The following NCKIPSD variants were observed in gnomAD, a reference collection of about 807,000 sequenced individuals.
NCKIPSD encodes the protein NCK interacting protein with SH3 domain.
Under a neutral mutation model 73.4 loss-of-function variants are expected in NCKIPSD, and 48 were observed. That is an observed-to-expected ratio of 0.65 (90% CI 0.52 to 0.83). The LOEUF (loss-of-function observed/expected upper bound fraction) is 0.83, where lower values mean the gene tolerates loss of function less well. Ranked by LOEUF, NCKIPSD falls within the 40% of genes least tolerant of loss-of-function variation. NCKIPSD has a pLI of 0.00. For missense variants in NCKIPSD, 884 were observed against 970.2 expected (o/e 0.91, Z 1.18); for synonymous variants, 422 against 403.6 (o/e 1.05, Z -0.54).
At chr3:48,682,582 G>A in intron 2 of NCKIPSD, 30 bp from the exon 3 acceptor site, 1 of 1,608,746 alleles carries the variant, frequency 6.2e-7, no homozygotes, top group African/African-American at 1.3e-5. Flanking sequence ...ACTATTGGGG[G>A]GTTGCATCTC....
At chr3:48,682,260 G>A (rs1021712033) in intron 3 of NCKIPSD, 88 bp downstream of exon 3, 24 of 1,576,144 alleles carry the variant, frequency 1.5e-5, no homozygotes, top group African/African-American at 1.1e-4. Flanking sequence ...GCTCTGGGCC[G>A]CATCACTCCT....
Position 48,682,943 on chromosome 3 carries a change from C to A in NCKIPSD, c.241G>T (p.Asp81Tyr). ...IEAVHNTAMR[D>Y]GGKYSLEQRG... The stretch of plus-strand genomic sequence containing the variant: ...TGTTCCAGGCTGTACTTGCCACCAT[C>A]CCGCATGGCTGTGTTGTGTACAGCC... Residue 81 changes from aspartate to tyrosine, a missense_variant, in exon 2 of 13, where the codon GAT becomes TAT. By Grantham distance (160) the Asp-to-Tyr change is radical (BLOSUM62 -3). Coordinates refer to ENST00000294129, the MANE Select transcript of NCKIPSD (RefSeq NM_016453.4). The A allele has an allele frequency of 6.4e-7, 1 of 1,553,392 alleles. No individual in the cohort carries two copies. Among genetic ancestry groups the A allele is most frequent in the Non-Finnish European group, 8.7e-7 (1 of 1,148,550 alleles).
Position 48,680,247 on chromosome 3 carries a change from G to A in NCKIPSD, c.1093-18C>T, listed in dbSNP as rs778212601. 6.3e-7 allele frequency: 1 copy of A among 1,592,994 alleles called. No homozygotes were observed. The highest frequency in any genetic ancestry group is 1.7e-5 in the Admixed American group (1 of 58,178). On this transcript the variant is annotated intron_variant, in intron 5 of 12. Coordinates refer to ENST00000294129, the MANE Select transcript of NCKIPSD (RefSeq NM_016453.4). Reference sequence around the variant, plus strand: ...CTGAGGTCCTAGAGGGAGAGGGCAAGGCATGACTCAGCACACTCCCTGCCC... The same window carrying A: ...CTGAGGTCCTAGAGGGAGAGGGCAAAGCATGACTCAGCACACTCCCTGCCC...
chr3:48,681,168 C>G, intron 5 of NCKIPSD, 119 bp downstream of exon 5: 1 of 1,428,976 alleles, frequency 7.0e-7, no homozygotes, highest in East Asian at 2.3e-5. Context: ...CAGTGCCCAG[C>G]ACAGTAAGAG....
chr3:48,679,151 G>A lies in NCKIPSD; in HGVS notation c.1603C>T (p.Leu535=). Residue 535 remains leucine, a synonymous_variant, in exon 10 of 13, where the codon CTG becomes TTG. Coordinates refer to ENST00000294129, the MANE Select transcript of NCKIPSD (RefSeq NM_016453.4). Reference sequence around the variant, plus strand: ...GGCAGCCCATCCTCGACGATGTTCAGTAGGAACTGGGCGAAAGGCGTGCCC... The same window carrying A: ...GGCAGCCCATCCTCGACGATGTTCAATAGGAACTGGGCGAAAGGCGTGCCC... The part of the protein sequence containing the change: ...HLGTPFAQFL[L]NIVEDGLPLD... 1.2e-6 allele frequency: 2 copies of A among 1,614,146 alleles called. No individual in the cohort carries two copies. The highest frequency in any genetic ancestry group is 1.1e-5 in the South Asian group (1 of 91,086).
In NCKIPSD at chr3:48,678,941, G is replaced by A. The variant is rs561721255; in HGVS notation, c.1728C>T (p.Ala576=). The A allele has an allele frequency of 2.7e-5, 43 of 1,614,048 alleles. No individual in the cohort carries two copies. In the Admixed American group the frequency reaches 5.5e-4, roughly 21 times the overall value. Residue 576 remains alanine (A), a synonymous_variant, in exon 11 of 13, where the codon GCC becomes GCT. Transcript: ENST00000294129. ...PAADQNVIMA[A]LSKHANVKIF... is the part of the protein sequence containing the mutation. ...TCTTGACATTGGCGTGTTTGCTCAG[G>A]GCAGCCATGATGACATTCTGGTCAG...
chr3:48,679,384 T>A lies in NCKIPSD; in HGVS notation c.1563A>T (p.Ala521=), dbSNP rs752407002. The change falls in exon 9 of 13, where the codon GCA becomes GCT. Residue 521 remains alanine (A), a synonymous_variant. Coordinates refer to ENST00000294129, the MANE Select transcript of NCKIPSD (RefSeq NM_016453.4). ...VFSMGEAVPY[A]HYEHLGTPFA... ...CGGTTACTGCATTCTTACCATAGTG[T>A]GCATAGGGCACTGCCTCTCCCATGG... The A allele has an allele frequency of 6.2e-7, 1 of 1,614,076 alleles. No homozygotes were observed. The highest frequency in any genetic ancestry group is 2.2e-5 in the East Asian group (1 of 44,868).
Position 48,685,700 on chromosome 3 carries a change from C to A in NCKIPSD, c.108G>T (p.Leu36=). 1 of 1,527,078 alleles carries A rather than the reference C, an allele frequency of 6.5e-7. No homozygotes were observed. The highest frequency in any genetic ancestry group is 1.2e-5 in the South Asian group (1 of 83,540). 94.6% of individuals were successfully genotyped at this position (1,527,078 alleles called of 1,614,324 possible). A position where few individuals can be genotyped will look rare whatever the true frequency, so the allele number is the denominator to read the frequency against. The change falls in exon 1 of 13, where the codon CTG becomes CTT. Residue 36 remains leucine (L), a synonymous_variant. Coordinates refer to ENST00000294129, the MANE Select transcript of NCKIPSD (RefSeq NM_016453.4). ...VLERSSAHWW[L]AARARSGETG... ...TCTCACCACTGCGCGCCCGCGCGGC[C>A]AGCCACCAGTGCGCGCTGCTTCGCT... is the stretch of plus-strand genomic sequence containing the variant.
At chr3:48,681,989 A>C in intron 4 of NCKIPSD, 56 bp downstream of exon 4, 1 of 1,558,574 alleles carries the variant, frequency 6.4e-7, no homozygotes, top group South Asian at 1.1e-5. Context: ...CAGGCAGCAC[A>C]ACCATTCCAA....
Position 48,679,470 on chromosome 3 carries a change from A to G in NCKIPSD, c.1490-13T>C. ...AGTTTCTGGTGGTCTGGGGGGGACAAGGCAGGCAGTCAGAGTCCCCAAAGA... is the reference window on the plus strand; with the variant it reads ...AGTTTCTGGTGGTCTGGGGGGGACAGGGCAGGCAGTCAGAGTCCCCAAAGA... On this transcript the variant is annotated splice_polypyrimidine_tract_variant and intron_variant, in intron 8 of 12. Transcript: ENST00000294129. 6.2e-7 allele frequency: 1 copy of G among 1,609,332 alleles called. No individual in the cohort carries two copies. The highest frequency in any genetic ancestry group is 8.5e-7 in the Non-Finnish European group (1 of 1,176,804).
At position 48,681,746 on chromosome 3, in the gene NCKIPSD, A is replaced by G; in HGVS notation, c.633T>C (p.Ser211=). 1 of 1,529,060 alleles carries G rather than the reference A, an allele frequency of 6.5e-7. No individual in the cohort carries two copies. Among genetic ancestry groups the G allele is most frequent in the Admixed American group, 2.1e-5 (1 of 48,078 alleles). The allele number at this position is 1,529,060 out of a possible 1,614,324, so 94.7% of individuals were successfully genotyped here. A position where few individuals can be genotyped will look rare whatever the true frequency, so the allele number is the denominator to read the frequency against. The change falls in exon 5 of 13, where the codon TCT becomes TCC. Residue 211 remains serine, a synonymous_variant. Coordinates refer to ENST00000294129, the MANE Select transcript of NCKIPSD (RefSeq NM_016453.4). ...GHNTMPSGGN[S]VSSGSSVSST... is the part of the protein sequence containing the mutation. ...TGCTGACTGAGGAGCCGCTGGACAC[A>G]GAGTTACCCCCGGAGGGCATGGTGT...
At position 48,682,555 on chromosome 3, in the gene NCKIPSD, G is replaced by A. The variant is rs766864722; in HGVS notation, c.282-3C>T. The A allele has an allele frequency of 6.2e-7, 1 of 1,613,694 alleles. No individual in the cohort carries two copies. The highest frequency in any genetic ancestry group is 8.5e-7 in the Non-Finnish European group (1 of 1,179,842). On this transcript the variant is annotated splice_polypyrimidine_tract_variant and splice_region_variant and intron_variant, in intron 2 of 12. Coordinates refer to ENST00000294129, the MANE Select transcript of NCKIPSD (RefSeq NM_016453.4). Reference sequence around the variant, plus strand: ...CTTTCCGGTGGTGGATCAGCTTCCTGATGGAAGGACAGGAAGACTATTGGG... The same window carrying A: ...CTTTCCGGTGGTGGATCAGCTTCCTAATGGAAGGACAGGAAGACTATTGGG...
intron 12 of NCKIPSD, among the ~76,000 whole-genome samples, chr3:48,676,095 C>T (rs1017937537): frequency 6.6e-6 from 1 of 152,216 alleles, no homozygotes; most frequent in South Asian, 2.1e-4. Flanking sequence ...TCATTCACCA[C>T]CGCAAACCTC....
Position 48,678,605 on chromosome 3 carries a change from T to C in NCKIPSD, c.1924A>G (p.Ile642Val), listed in dbSNP as rs945007536. 4 of 1,613,998 alleles carry C rather than the reference T, an allele frequency of 2.5e-6. No individual in the cohort carries two copies. The African/African-American group carries it at 5.3e-5, about 22-fold the overall frequency. Residue 642 changes from isoleucine to valine, a missense_variant, in exon 12 of 13, where the codon ATC becomes GTC. Transcript: ENST00000294129. ...YHTDMMALIDITVRHIADLSP... is the reference protein window; with the variant it reads ...YHTDMMALIDVTVRHIADLSP... Reference sequence around the variant, plus strand: ...AGGTCTGCGATGTGCCGCACAGTGATGTCAATGAGAGCCATCATGTCTGTG... The same window carrying C: ...AGGTCTGCGATGTGCCGCACAGTGACGTCAATGAGAGCCATCATGTCTGTG...
chr3:48,674,558 C>T lies in NCKIPSD; in HGVS notation c.2155G>A (p.Glu719Lys), dbSNP rs776516213. The change falls in exon 13 of 13, where the codon GAG (glutamate) becomes AAG (lysine). Residue 719 changes from glutamate (E) to lysine (K), a missense_variant. By Grantham distance (56) the Glu-to-Lys change is moderately conservative. Transcript: ENST00000294129. Reference sequence around the variant, plus strand: ...ACAGCAAGGTGCTAGCTGGGAGCCTCCCCCAGCACCAGGAATTCCTTGCAC... The same window carrying T: ...ACAGCAAGGTGCTAGCTGGGAGCCTTCCCCAGCACCAGGAATTCCTTGCAC... ...EMCKEFLVLG[E>K]APS is the part of the protein sequence containing the mutation. 1 of 1,593,036 alleles carries T rather than the reference C, an allele frequency of 6.3e-7. No homozygotes were observed. The highest frequency in any genetic ancestry group is 8.6e-7 in the Non-Finnish European group (1 of 1,168,888).
chr3:48,680,399 C>G (rs1376312630), intron 5 of NCKIPSD, among the ~76,000 whole-genome samples, 170 bp from the exon 6 acceptor site: 2 of 152,184 alleles, frequency 1.3e-5, no homozygotes, highest in African/African-American at 4.8e-5. Context: ...CCTCCCAGGA[C>G]AGGAGTCAAC....
chr3:48,674,691 C>T lies in NCKIPSD; in HGVS notation c.2022G>A (p.Leu674=). The T allele has an allele frequency of 6.2e-7, 1 of 1,614,042 alleles. No homozygotes were observed. The highest frequency in any genetic ancestry group is 8.5e-7 in the Non-Finnish European group (1 of 1,179,998). The stretch of plus-strand genomic sequence containing the variant: ...GGTCGGGTAGCCGGTGGCGGTGCTG[C>T]AGGTAGGGTGTGGTGCGGACTATAG... ...MHAIVRTTPY[L]QHRHRLPDLQ... The change falls in exon 13 of 13, where the codon CTG becomes CTA. Residue 674 remains leucine (L), a synonymous_variant. Coordinates refer to ENST00000294129, the MANE Select transcript of NCKIPSD (RefSeq NM_016453.4).
In NCKIPSD at chr3:48,682,562, G is replaced by C; in HGVS notation, c.282-10C>G. ...GTGGTGGATCAGCTTCCTGATGGAA[G>C]GACAGGAAGACTATTGGGGGGTTGC... is the stretch of plus-strand genomic sequence containing the variant. On this transcript the variant is annotated splice_polypyrimidine_tract_variant and intron_variant, in intron 2 of 12. Transcript: ENST00000294129. The C allele has an allele frequency of 6.2e-7, 1 of 1,613,458 alleles. No homozygotes were observed. Among genetic ancestry groups the C allele is most frequent in the Non-Finnish European group, 8.5e-7 (1 of 1,179,538 alleles).
At chr3:48,678,445 A>G (rs2077288647) in intron 12 of NCKIPSD, 119 bp downstream of exon 12, 1 of 1,316,958 alleles carries the variant, frequency 7.6e-7, no homozygotes, top group Non-Finnish European at 1.0e-6. Flanking sequence ...ATGGCCTCCT[A>G]CACTTACCTG....
Sources: allele counts gnomAD v4.1 joint callset (sites outside exome capture counted in the v4.1 genomes callset), GRCh38; gene constraint gnomAD v4.1.1; transcripts MANE v1.5; gene names NCBI Gene and HGNC (gene_info 2026-07-23, HGNC 2026-07-21).